Variants in SCN11A observed in about 807,000 individuals in gnomAD.
The protein encoded by SCN11A is sodium voltage-gated channel alpha subunit 11.
In SCN11A, 122 loss-of-function variants were observed where a neutral mutation model predicts 162.2. The observed-to-expected ratio is 0.75, with a 90% CI of 0.65 to 0.87. The LOEUF (loss-of-function observed/expected upper bound fraction) is 0.87. Ranked by LOEUF, SCN11A falls within the 40% of genes least tolerant of loss-of-function variation. SCN11A has a pLI of 0.00. For synonymous variants in SCN11A, 758 were observed against 751.5 expected (o/e 1.01, Z -0.14); for missense variants, 2,015 against 2,181.6 (o/e 0.92, Z 1.52).
chr3:38,991,564 TG>T (rs2030452921), intron 2 of SCN11A, among the ~76,000 whole-genome samples: 1 of 152,196 alleles, frequency 6.6e-6, no homozygotes, highest in African/African-American at 2.4e-5. Flanking sequence ...TTACAAAAAT[TG>T]ACAAAATTTG....
At chr3:38,892,027 G>A (rs546662849) in intron 19 of SCN11A, among the ~76,000 whole-genome samples, 2 of 152,268 alleles carry the variant, frequency 1.3e-5, no homozygotes, top group East Asian at 3.9e-4. Context: ...AATCTTGAAA[G>A]TAGCAAGAGA....
intron 1 of SCN11A, among the ~76,000 whole-genome samples, chr3:39,046,599 T>G (rs1036396200): frequency 6.6e-6 from 1 of 152,044 alleles, no homozygotes; most frequent in Non-Finnish European, 1.5e-5. Context: ...GGCATCACAC[T>G]AACCTCAAAA....
At chr3:38,932,267 C>A (rs2066252523) in intron 7 of SCN11A, among the ~76,000 whole-genome samples, 1 of 152,218 alleles carries the variant, frequency 6.6e-6, no homozygotes, top group Non-Finnish European at 1.5e-5. Context: ...GGAACAGCTC[C>A]AGTCTACAGC....
At chr3:38,865,084 T>A (rs1349942800) in intron 27 of SCN11A, among the ~76,000 whole-genome samples, 1 of 152,118 alleles carries the variant, frequency 6.6e-6, no homozygotes, top group Non-Finnish European at 1.5e-5. Flanking sequence ...TGTGGTTTGC[T>A]CCATAAAAAA....
intron 2 of SCN11A, among the ~76,000 whole-genome samples, chr3:38,979,508 T>C (rs905468040): frequency 6.6e-6 from 1 of 152,172 alleles, no homozygotes; most frequent in African/African-American, 2.4e-5. Flanking sequence ...TGCAGATCTG[T>C]GTCATCCCAT....
chr3:38,859,939 C>T (rs2064935940), intron 28 of SCN11A, among the ~76,000 whole-genome samples: 1 of 152,122 alleles, frequency 6.6e-6, no homozygotes, highest in African/African-American at 2.4e-5. Context: ...TCAAATTGCT[C>T]CTGGGGATAA....
chr3:38,901,866 C>G (rs1042265387), intron 16 of SCN11A, among the ~76,000 whole-genome samples: 4 of 152,180 alleles, frequency 2.6e-5, no homozygotes, highest in African/African-American at 9.7e-5. Flanking sequence ...TGCCTGTGTA[C>G]TTGGAAAACA....
chr3:39,020,911 C>T (rs1253440790), intron 2 of SCN11A, among the ~76,000 whole-genome samples: 1 of 151,714 alleles, frequency 6.6e-6, no homozygotes, highest in Non-Finnish European at 1.5e-5. Context: ...AAATAAAAAA[C>T]AAATCCAGAT....
At chr3:38,876,871 A>C (rs924355663) in intron 23 of SCN11A, among the ~76,000 whole-genome samples, 1 of 151,924 alleles carries the variant, frequency 6.6e-6, no homozygotes, top group Non-Finnish European at 1.5e-5. Context: ...AGAAGAAAGG[A>C]AATCATTATA....
chr3:39,029,324 TA>T (rs1181968351), intron 2 of SCN11A, among the ~76,000 whole-genome samples: 3 of 152,244 alleles, frequency 2.0e-5, no homozygotes, highest in Non-Finnish European at 4.4e-5. Flanking sequence ...TTCTTGATTA[TA>T]AATGAAGTTA....
At chr3:38,952,923 G>A (rs929085418) in intron 4 of SCN11A, among the ~76,000 whole-genome samples, 7 of 152,234 alleles carry the variant, frequency 4.6e-5, no homozygotes, top group East Asian at 1.9e-4. Flanking sequence ...CAGAGGGAGA[G>A]AGTGGGCAGG....
chr3:38,896,337 G>T (rs573152584), intron 18 of SCN11A, among the ~76,000 whole-genome samples: 1 of 152,282 alleles, frequency 6.6e-6, no homozygotes, highest in East Asian at 1.9e-4. Flanking sequence ...GGAGAGGATT[G>T]CACAGCAGTC....
At chr3:38,848,850 A>G (rs953580607) in intron 29 of SCN11A, among the ~76,000 whole-genome samples, 17 of 152,196 alleles carry the variant, frequency 1.1e-4, no homozygotes, top group African/African-American at 4.1e-4. Flanking sequence ...AGAGAGATTC[A>G]TTTCAACTCA....
intron 19 of SCN11A, among the ~76,000 whole-genome samples, chr3:38,889,596 G>A (rs1452387839): frequency 6.6e-6 from 1 of 151,302 alleles, no homozygotes; most frequent in Non-Finnish European, 1.5e-5. Flanking sequence ...TCAGGAGATC[G>A]AGACCATCCT....
At position 38,903,961 on chromosome 3, in the gene SCN11A, G is replaced by T. The variant is rs771216894; in HGVS notation, c.1746C>A (p.Ala582=). The change falls in exon 16 of 30, where the codon GCC becomes GCA. Residue 582 remains alanine, a synonymous_variant. Coordinates refer to ENST00000302328, the MANE Select transcript of SCN11A (RefSeq NM_001349253.2). ...TGTTGATGATGATGCAGATGGTGAT[G>T]GCCAGCTCAGTAAACGGGTCAGTCA... is the stretch of plus-strand genomic sequence containing the variant. ...TVMTDPFTEL[A]ITICIIINTV... 3.1e-6 allele frequency: 5 copies of T among 1,614,082 alleles called. No individual in the cohort carries two copies. Among genetic ancestry groups the T allele is most frequent in the Non-Finnish European group, 4.2e-6 (5 of 1,179,964 alleles).
chr3:39,017,961 A>C (rs1451536697), intron 2 of SCN11A, among the ~76,000 whole-genome samples: 1 of 152,170 alleles, frequency 6.6e-6, no homozygotes, highest in African/African-American at 2.4e-5. Flanking sequence ...AAATATTCTT[A>C]AACTTTGTTC....
At position 38,952,162 on chromosome 3, in the gene SCN11A, C is replaced by G. The variant is rs116514615; in HGVS notation, c.-8+1467G>C. ...ACTGCCTTAAGAGCCGTAACACTCACCGCGAGAGTCCGAGGCTTCATTCTT... is the reference window on the plus strand; with the variant it reads ...ACTGCCTTAAGAGCCGTAACACTCAGCGCGAGAGTCCGAGGCTTCATTCTT... On this transcript the variant is annotated intron_variant, in intron 4 of 29. Coordinates refer to ENST00000302328, the MANE Select transcript of SCN11A (RefSeq NM_001349253.2). Among the ~76,000 whole-genome samples the G allele has an allele frequency of 5.4e-3, 819 of 152,256 alleles. 6 individuals are homozygous for G. The highest frequency in any genetic ancestry group is 0.019 in the African/African-American group (776 of 41,538).
chr3:38,945,523 T>TC lies in SCN11A; in HGVS notation c.387-12dup. 6.5e-7 allele frequency: 1 copy of TC among 1,536,582 alleles called. No individual in the cohort carries two copies. Among genetic ancestry groups the TC allele is most frequent in the Non-Finnish European group, 8.8e-7 (1 of 1,130,028 alleles). On this transcript the variant is annotated splice_polypyrimidine_tract_variant and intron_variant, in intron 6 of 29. Coordinates refer to ENST00000302328, the MANE Select transcript of SCN11A (RefSeq NM_001349253.2). ...AACATGCTGAACAATGTGGCCAGCA[T>TC]CCATTAAGGCAGATATGTTGCAGGA...
intron 7 of SCN11A, among the ~76,000 whole-genome samples, chr3:38,935,238 G>A (rs1272146226): frequency 1.3e-5 from 2 of 151,438 alleles, no homozygotes; most frequent in African/African-American, 4.9e-5. Flanking sequence ...TGTGTAGAGG[G>A]AAATTTATAG....
Sources: allele counts gnomAD v4.1 joint callset (sites outside exome capture counted in the v4.1 genomes callset), GRCh38; gene constraint gnomAD v4.1.1; transcripts MANE v1.5; gene names NCBI Gene and HGNC (gene_info 2026-07-23, HGNC 2026-07-21).